The following LPCAT2 variants were observed in gnomAD, a reference collection of about 807,000 sequenced individuals.
LPCAT2 encodes the protein 1-AGP acyltransferase 11.
LPCAT2 carries 58 observed loss-of-function variants against 64.7 expected under a neutral mutation model. The ratio of observed to expected loss-of-function variants is 0.90; its 90% CI spans 0.73 to 1.12. The LOEUF (loss-of-function observed/expected upper bound fraction) is 1.12. LPCAT2 is among the 50% of genes most tolerant of loss of function. LPCAT2 has a pLI of 0.00. For missense variants in LPCAT2, 579 were observed against 669.8 expected (o/e 0.86, Z 1.50); for synonymous variants, 252 against 245.3 (o/e 1.03, Z -0.26).
chr16:55,529,116 C>T (rs1208917185), intron 3 of LPCAT2, among the ~76,000 whole-genome samples: 4 of 152,206 alleles, frequency 2.6e-5, no homozygotes, highest in South Asian at 2.1e-4. Context: ...AAAATAATGA[C>T]GCAAGTGAAG....
At position 55,514,578 on chromosome 16, in the gene LPCAT2, A is replaced by G. The variant is rs566230661; in HGVS notation, c.171+5226A>G. 1.2e-4 allele frequency among the ~76,000 whole-genome samples: 18 copies of G among 152,356 alleles called. No individual in the cohort carries two copies. The East Asian group carries it at 3.5e-3, about 29-fold the overall frequency. Reference sequence around the variant, plus strand: ...AAACAAACAAATAACAACAACAAACAGCAACCACAACAAACCCTGGAAGGG... The same window carrying G: ...AAACAAACAAATAACAACAACAAACGGCAACCACAACAAACCCTGGAAGGG... On this transcript the variant is annotated intron_variant, in intron 1 of 13. Coordinates refer to ENST00000262134, the MANE Select transcript of LPCAT2 (RefSeq NM_017839.5).
In LPCAT2 at chr16:55,532,842, T is replaced by G; in HGVS notation, c.722T>G (p.Val241Gly). The change falls in exon 6 of 14, where the codon GTT (valine) becomes GGT (glycine). Residue 241 changes from valine to glycine, a missense_variant. Physicochemically the swap from Val to Gly is moderately radical, Grantham distance 109. Transcript: ENST00000262134. ...TFKPGAFIPG[V>G]PVQPVLLRYP... ...GTTGCAGGAGCCTTCATTCCAGGAG[T>G]TCCAGTGCAGCCAGTCCTCCTCAGA... The G allele has an allele frequency of 6.2e-7, 1 of 1,612,044 alleles. No homozygotes were observed. The highest frequency in any genetic ancestry group is 1.1e-5 in the South Asian group (1 of 91,030).
chr16:55,550,384 G>T (rs1963502591), intron 10 of LPCAT2, among the ~76,000 whole-genome samples: 1 of 152,114 alleles, frequency 6.6e-6, no homozygotes, highest in African/African-American at 2.4e-5. Context: ...ATAACATTTT[G>T]TGAAATATGA....
chr16:55,511,468 TA>T (rs1212785506), intron 1 of LPCAT2, among the ~76,000 whole-genome samples: 1 of 152,210 alleles, frequency 6.6e-6, no homozygotes, highest in Non-Finnish European at 1.5e-5. Context: ...AGTTTAATCT[TA>T]AATGATGATC....
At chr16:55,541,988 CTGTT>C in intron 8 of LPCAT2, 1 of 1,173,826 alleles carries the variant, frequency 8.5e-7, no homozygotes, top group African/African-American at 1.6e-5. Context: ...AAATTATTTT[CTGTT>C]ACAAGGAAAA....
intron 11 of LPCAT2, among the ~76,000 whole-genome samples, chr16:55,568,420 C>T (rs1448531677): frequency 1.3e-5 from 2 of 151,686 alleles, no homozygotes; most frequent in Non-Finnish European, 2.9e-5. Context: ...CAAAGAAAAA[C>T]AAAAAAAGAA....
At chr16:55,562,818 G>A (rs1317746894) in intron 11 of LPCAT2, among the ~76,000 whole-genome samples, 1 of 151,750 alleles carries the variant, frequency 6.6e-6, no homozygotes, top group African/African-American at 2.4e-5. Context: ...TAATCATTAA[G>A]TCCTAGCTAC....
chr16:55,532,060 T>C, intron 5 of LPCAT2, 86 bp downstream of exon 5: 1 of 868,562 alleles, frequency 1.2e-6, no homozygotes, highest in South Asian at 1.4e-5. Context: ...AATAACTCTT[T>C]AGCTTGCTCT....
chr16:55,564,544 G>T (rs1963670959), intron 11 of LPCAT2, among the ~76,000 whole-genome samples: 1 of 151,872 alleles, frequency 6.6e-6, no homozygotes, highest in Non-Finnish European at 1.5e-5. Flanking sequence ...AAACCCTTGT[G>T]TATATGGTCA....
intron 13 of LPCAT2, among the ~76,000 whole-genome samples, chr16:55,580,026 C>G (rs1484679391): frequency 6.6e-6 from 1 of 152,134 alleles, no homozygotes; most frequent in Non-Finnish European, 1.5e-5. Context: ...GTTTCCCTGT[C>G]TTGGGTTTGA....
intron 11 of LPCAT2, among the ~76,000 whole-genome samples, chr16:55,568,596 T>C (rs1249586504): frequency 2.0e-5 from 3 of 152,182 alleles, no homozygotes; most frequent in African/African-American, 7.2e-5. Context: ...TAAGACTTTT[T>C]AGAGGTGGGG....
At chr16:55,579,603 C>T (rs1206558712) in intron 13 of LPCAT2, among the ~76,000 whole-genome samples, 2 of 152,164 alleles carry the variant, frequency 1.3e-5, no homozygotes, top group African/African-American at 4.8e-5. Context: ...AAAACCAAAA[C>T]AGTTTGACTT....
In LPCAT2 at chr16:55,531,966, T is replaced by C. The variant is rs750729989; in HGVS notation, c.695T>C (p.Phe232Ser). Residue 232 changes from phenylalanine to serine, a missense_variant, in exon 5 of 14, where the codon TTT becomes TCT. Phe to Ser is a radical substitution (Grantham distance 155). Coordinates refer to ENST00000262134, the MANE Select transcript of LPCAT2 (RefSeq NM_017839.5). ...TCTNRSCLITFKPGAFIPGVP... is the reference protein window; with the variant it reads ...TCTNRSCLITSKPGAFIPGVP... ...ACTAATCGTTCCTGTTTGATTACTT[T>C]TAAACCAGGTGAGAAAAATTAAATT... 1 of 1,579,588 alleles carries C rather than the reference T, an allele frequency of 6.3e-7. No individual in the cohort carries two copies. The highest frequency in any genetic ancestry group is 1.1e-5 in the South Asian group (1 of 89,952).
intron 4 of LPCAT2, among the ~76,000 whole-genome samples, chr16:55,531,228 G>C (rs1261961072): frequency 6.6e-6 from 1 of 152,032 alleles, no homozygotes; most frequent in Non-Finnish European, 1.5e-5. Flanking sequence ...AGTGCAGGAT[G>C]TTACTTTATT....
chr16:55,561,574 A>T (rs149775724), intron 11 of LPCAT2, among the ~76,000 whole-genome samples: 262 of 69,742 alleles, frequency 3.8e-3, no homozygotes, highest in African/African-American at 7.1e-3. Context: ...AAAATAAATG[A>T]GAAGAATTGG....
chr16:55,571,272 A>T (rs1429326690), intron 11 of LPCAT2, among the ~76,000 whole-genome samples: 1 of 152,184 alleles, frequency 6.6e-6, no homozygotes. Flanking sequence ...AAGAGTTTTA[A>T]GTGGACAATA....
chr16:55,550,191 A>G (rs1183334169), intron 10 of LPCAT2, among the ~76,000 whole-genome samples: 2 of 152,234 alleles, frequency 1.3e-5, no homozygotes, highest in Non-Finnish European at 2.9e-5. Flanking sequence ...TGTTCTGTAG[A>G]TTTAAAAAGT....
chr16:55,533,814 C>T (rs1347040296), intron 6 of LPCAT2, among the ~76,000 whole-genome samples: 2 of 152,032 alleles, frequency 1.3e-5, no homozygotes, highest in African/African-American at 4.8e-5. Flanking sequence ...CACCATTTTC[C>T]TAAAGAAAGA....
Position 55,583,279 on chromosome 16 carries a change from A to G in LPCAT2, c.*181A>G. 1.8e-6 allele frequency: 1 copy of G among 565,532 alleles called. No individual in the cohort carries two copies. 35.0% of individuals were successfully genotyped at this position (565,532 alleles called of 1,614,324 possible). On this transcript the variant is annotated 3_prime_UTR_variant, in exon 14 of 14. Transcript: ENST00000262134. ...ACCTTGCTTTTATTGGAAAAAATCAAGCAATATTTCGTTTTCTTTTGTGTT... is the reference window on the plus strand; with the variant it reads ...ACCTTGCTTTTATTGGAAAAAATCAGGCAATATTTCGTTTTCTTTTGTGTT...
Sources: gnomAD v4.1 joint callset for allele counts (sites outside exome capture counted in the v4.1 genomes callset) on GRCh38, gnomAD v4.1.1 for gene constraint, MANE v1.5 for transcripts, NCBI Gene and HGNC (gene_info 2026-07-23, HGNC 2026-07-21) for gene names.